The following CDH18 variants were observed in gnomAD, a reference collection of about 807,000 sequenced individuals.
CDH18 encodes cadherin 18, also known as cadherin-18.
CDH18 carries 31 observed loss-of-function variants against 67.9 expected under a neutral mutation model. That is an observed-to-expected ratio of 0.46 (90% confidence interval 0.34 to 0.62). The LOEUF (loss-of-function observed/expected upper bound fraction) is 0.62, where lower values mean the gene tolerates loss of function less well. CDH18 is among the 20% of genes least tolerant of loss of function. The pLI, the probability that CDH18 is intolerant of heterozygous loss-of-function variation, is 0.01. For missense variants in CDH18, 890 were observed against 975.5 expected, an observed-to-expected ratio of 0.91 and a Z score of 1.17; for synonymous variants, 362 against 347.2, an observed-to-expected ratio of 1.04 and a Z score of -0.48.
intron 6 of CDH18, among the ~76,000 whole-genome samples, chr5:19,601,263 G>A (rs1022981863): frequency 3.9e-5 from 6 of 152,044 alleles, no homozygotes; most frequent in Non-Finnish European, 2.9e-5. Flanking sequence ...ATTACAATCA[G>A]AAATAAAGTA....
chr5:19,699,566 A>T (rs551886398), intron 5 of CDH18, among the ~76,000 whole-genome samples: 11 of 152,034 alleles, frequency 7.2e-5, no homozygotes, highest in Non-Finnish European at 7.4e-5. Context: ...CAGTTCTCTT[A>T]TAAGAAGATG....
chr5:20,172,208 A>ATATATATATATATATATATG (rs1580399227), intron 2 of CDH18, among the ~76,000 whole-genome samples: 1 of 66,538 alleles, frequency 1.5e-5, no homozygotes. Flanking sequence ...ATATATATAT[A>ATATATATATATATATATATG]TATATATATA....
intron 1 of CDH18, chr5:20,304,701 C>T: frequency 3.7e-6 from 6 of 1,611,554 alleles, no homozygotes; most frequent in Non-Finnish European, 5.1e-6. Flanking sequence ...TCAGCTCCAC[C>T]TTCTTGTCAG....
chr5:20,526,428 A>C (rs1756065815), intron 1 of CDH18, among the ~76,000 whole-genome samples: 2 of 151,976 alleles, frequency 1.3e-5, no homozygotes, highest in East Asian at 3.9e-4. Flanking sequence ...CTCCATCCAT[A>C]AGGGGGGCTT....
chr5:20,236,152 T>C (rs1742459553), intron 2 of CDH18, among the ~76,000 whole-genome samples: 1 of 151,960 alleles, frequency 6.6e-6, no homozygotes, highest in South Asian at 2.1e-4. Flanking sequence ...ACAGAATTAT[T>C]TGTACTCCAA....
chr5:20,236,296 G>A (rs1393649789), intron 2 of CDH18, among the ~76,000 whole-genome samples: 1 of 150,594 alleles, frequency 6.6e-6, no homozygotes, highest in African/African-American at 2.4e-5. Context: ...AAAAGCAGCT[G>A]GATAAAATAT....
chr5:19,923,341 T>C lies in CDH18; in HGVS notation c.-257+57719A>G, dbSNP rs368786119. 3.2e-4 allele frequency among the ~76,000 whole-genome samples: 49 copies of C among 152,312 alleles called. No homozygotes were observed. In the South Asian group the frequency reaches 9.1e-3, roughly 28 times the overall value. ...CATGAAACAGAGACAAGTTATCCTCTCTGAGCCCTGTCTGATTTCTTGATC... is the reference window on the plus strand; with the variant it reads ...CATGAAACAGAGACAAGTTATCCTCCCTGAGCCCTGTCTGATTTCTTGATC... On this transcript the variant is annotated intron_variant, in intron 2 of 12. Coordinates refer to ENST00000382275, the MANE Select transcript of CDH18 (RefSeq NM_004934.5).
chr5:19,838,280 C>T (rs1038426360), intron 3 of CDH18, among the ~76,000 whole-genome samples: 2 of 151,942 alleles, frequency 1.3e-5, no homozygotes. Flanking sequence ...TAGATATTTT[C>T]TAATATTTAA....
At chr5:20,332,936 C>T (rs1020723942) in intron 1 of CDH18, among the ~76,000 whole-genome samples, 4 of 152,066 alleles carry the variant, frequency 2.6e-5, no homozygotes, top group African/African-American at 9.7e-5. Context: ...TGCTAGTTCA[C>T]CTAATGTGCA....
At chr5:20,333,118 A>G (rs1434075799) in intron 1 of CDH18, among the ~76,000 whole-genome samples, 1 of 152,164 alleles carries the variant, frequency 6.6e-6, no homozygotes, top group Admixed American at 6.5e-5. Context: ...CCTCTATATA[A>G]TAGATATGAG....
chr5:19,742,317 T>A (rs1561199892), intron 4 of CDH18, among the ~76,000 whole-genome samples: 1 of 152,106 alleles, frequency 6.6e-6, no homozygotes, highest in Non-Finnish European at 1.5e-5. Context: ...TTTTCTGTAT[T>A]CTTGTGACAT....
chr5:19,914,225 A>G (rs917595988), intron 2 of CDH18, among the ~76,000 whole-genome samples: 1 of 152,106 alleles, frequency 6.6e-6, no homozygotes, highest in Non-Finnish European at 1.5e-5. Context: ...TAAAAATAGC[A>G]TAACCTTTAG....
intron 2 of CDH18, among the ~76,000 whole-genome samples, chr5:20,106,591 A>G (rs957799183): frequency 6.6e-6 from 1 of 152,240 alleles, no homozygotes; most frequent in African/African-American, 2.4e-5. Flanking sequence ...TAAATTGCAC[A>G]TTCCAAGTTT....
intron 1 of CDH18, among the ~76,000 whole-genome samples, chr5:20,480,560 G>C (rs958957021): frequency 6.6e-6 from 1 of 152,040 alleles, no homozygotes; most frequent in African/African-American, 2.4e-5. Context: ...TGGGATTACA[G>C]GTATGTGCCA....
chr5:20,503,039 C>T (rs1215176001), intron 1 of CDH18, among the ~76,000 whole-genome samples: 1 of 151,970 alleles, frequency 6.6e-6, no homozygotes, highest in African/African-American at 2.4e-5. Flanking sequence ...ACAGAGAAAG[C>T]CAATTAGGGA....
chr5:19,805,792 C>T (rs1391841598), intron 3 of CDH18, among the ~76,000 whole-genome samples: 1 of 152,110 alleles, frequency 6.6e-6, no homozygotes, highest in Non-Finnish European at 1.5e-5. Context: ...TTCCTTCTCT[C>T]AATTTCTTCT....
intron 2 of CDH18, among the ~76,000 whole-genome samples, chr5:20,196,058 C>T (rs1738948617): frequency 1.3e-5 from 2 of 152,104 alleles, no homozygotes; most frequent in Non-Finnish European, 2.9e-5. Context: ...GACATCTGTT[C>T]ATCTTCTAAG....
chr5:19,937,010 T>G (rs991207217), intron 2 of CDH18, among the ~76,000 whole-genome samples: 1 of 151,306 alleles, frequency 6.6e-6, no homozygotes, highest in Non-Finnish European at 1.5e-5. Flanking sequence ...TTTCAAGTAT[T>G]TATGTACACT....
chr5:20,015,634 A>G (rs1737813229), intron 2 of CDH18, among the ~76,000 whole-genome samples: 2 of 152,180 alleles, frequency 1.3e-5, no homozygotes, highest in Non-Finnish European at 2.9e-5. Context: ...CAAATCAGTT[A>G]CAATTCTGTT....
Sources: gnomAD v4.1 joint callset for allele counts (sites outside exome capture counted in the v4.1 genomes callset) on GRCh38, gnomAD v4.1.1 for gene constraint, MANE v1.5 for transcripts, NCBI Gene and HGNC (gene_info 2026-07-23, HGNC 2026-07-21) for gene names.